ZCCHC14: variants seen among roughly 807,000 people sequenced by gnomAD.
ZCCHC14 encodes zinc finger CCHC-type containing 14, also known as zinc finger CCHC domain-containing protein 14.
Under a neutral mutation model 85.0 loss-of-function variants are expected in ZCCHC14, and 16 were observed. That is an observed-to-expected ratio of 0.19 (90% CI 0.13 to 0.29). The LOEUF (loss-of-function observed/expected upper bound fraction) is 0.29, where lower values mean the gene tolerates loss of function less well. Ranked by LOEUF, ZCCHC14 falls within the 10% of genes least tolerant of loss-of-function variation. The pLI is 1.00. For missense variants in ZCCHC14, 1,303 were observed against 1,443.5 expected (o/e 0.90, Z 1.58); for synonymous variants, 775 against 630.7 (o/e 1.23, Z -3.43).
At chr16:87,449,375 G>A (rs934060619) in intron 2 of ZCCHC14, among the ~76,000 whole-genome samples, 3 of 152,124 alleles carry the variant, frequency 2.0e-5, no homozygotes, top group Admixed American at 6.5e-5. Flanking sequence ...GAGAGGGTGA[G>A]GGGCACAGCA....
chr16:87,478,077 AG>A (rs1912103709), intron 1 of ZCCHC14, among the ~76,000 whole-genome samples: 1 of 152,272 alleles, frequency 6.6e-6, no homozygotes, highest in African/African-American at 2.4e-5. Context: ...CAATTGTAAA[AG>A]GAAAAATAAC....
intron 1 of ZCCHC14, among the ~76,000 whole-genome samples, chr16:87,468,778 G>C (rs1159930561): frequency 6.6e-6 from 1 of 152,168 alleles, no homozygotes; most frequent in Non-Finnish European, 1.5e-5. Flanking sequence ...GGAGACCAGC[G>C]ATGCTGTTAA....
In ZCCHC14 at chr16:87,411,483, A is replaced by G. The variant is rs368899388; in HGVS notation, c.3205+33T>C. 450 of 1,609,742 alleles carry G rather than the reference A, an allele frequency of 2.8e-4. 2 individuals are homozygous for G. Among genetic ancestry groups the G allele is most frequent in the Middle Eastern group, 2.0e-3 (12 of 6,062 alleles). ...CATTTGTGTGCACTGGTCCTGCGGG[A>G]GCCTGGTGGGCGCGGCCATGGCGCG... is the stretch of plus-strand genomic sequence containing the variant. On this transcript the variant is annotated intron_variant, in intron 12 of 12. Transcript: ENST00000671377.
chr16:87,425,432 C>T (rs1023175342), intron 3 of ZCCHC14, among the ~76,000 whole-genome samples: 19 of 152,048 alleles, frequency 1.2e-4, no homozygotes, highest in African/African-American at 4.3e-4. Flanking sequence ...CAAAATTGGC[C>T]GGGCATGGTG....
Position 87,417,742 on chromosome 16 carries a change from C to G in ZCCHC14, c.1101G>C (p.Arg367Ser). 2 of 1,585,416 alleles carry G rather than the reference C, an allele frequency of 1.3e-6. No homozygotes were observed. The highest frequency in any genetic ancestry group is 1.7e-6 in the Non-Finnish European group (2 of 1,167,540). Residue 367 changes from arginine to serine, a missense_variant and splice_region_variant, in exon 8 of 13, where the codon AGG becomes AGC. Arg to Ser is a moderately radical substitution (Grantham distance 110, BLOSUM62 -1). Coordinates refer to ENST00000671377, the MANE Select transcript of ZCCHC14 (RefSeq NM_015144.3). ...KVGTVMGVSGRPVCGVAGIPS... is the reference protein window; with the variant it reads ...KVGTVMGVSGSPVCGVAGIPS... ...GGATACCAGCCACTCCACACACAGGCCTGTGGGACAGGGGCAGGAGGGACA... is the reference window on the plus strand; with the variant it reads ...GGATACCAGCCACTCCACACACAGGGCTGTGGGACAGGGGCAGGAGGGACA...
At chr16:87,455,139 T>A (rs1335366342) in intron 2 of ZCCHC14, among the ~76,000 whole-genome samples, 2 of 152,122 alleles carry the variant, frequency 1.3e-5, no homozygotes, top group African/African-American at 4.8e-5. Flanking sequence ...AAATACAAAA[T>A]TAGGCAGGCG....
intron 1 of ZCCHC14, among the ~76,000 whole-genome samples, chr16:87,460,358 G>A (rs1408373838): frequency 3.3e-5 from 5 of 152,082 alleles, no homozygotes; most frequent in East Asian, 1.9e-4. Context: ...GGGCGCTTAC[G>A]TCTTGTGGCT....
At position 87,407,618 on chromosome 16, in the gene ZCCHC14, T is replaced by C. The variant is rs1428126960; in HGVS notation, c.*2662A>G. 1 of 152,220 alleles carries C rather than the reference T, an allele frequency of 6.6e-6. No homozygotes were observed. Among genetic ancestry groups the C allele is most frequent in the Non-Finnish European group, 1.5e-5 (1 of 68,030 alleles). 9.4% of individuals were successfully genotyped at this position (152,220 alleles called of 1,614,324 possible). A position where few individuals can be genotyped will look rare whatever the true frequency, so the allele number is the denominator to read the frequency against. On this transcript the variant is annotated 3_prime_UTR_variant, in exon 13 of 13. Coordinates refer to ENST00000671377, the MANE Select transcript of ZCCHC14 (RefSeq NM_015144.3). ...AGATTAAAAAAACAGGGTTAGAAAC[T>C]TTAATATCTGACAGACTACAAAGGG...
chr16:87,440,656 A>C (rs1910138830), intron 2 of ZCCHC14, among the ~76,000 whole-genome samples: 1 of 150,176 alleles, frequency 6.7e-6, no homozygotes, highest in Non-Finnish European at 1.5e-5. Flanking sequence ...GCCCAGGCTG[A>C]AGTGCAGTGG....
intron 1 of ZCCHC14, chr16:87,471,311 A>C (rs1409018816): frequency 6.6e-6 from 1 of 152,260 alleles, no homozygotes; most frequent in Non-Finnish European, 1.5e-5. Context: ...GAAGACAGAC[A>C]GTTTAAGAGT....
intron 3 of ZCCHC14, among the ~76,000 whole-genome samples, chr16:87,427,898 C>A (rs1267513640): frequency 6.6e-6 from 1 of 150,982 alleles, no homozygotes; most frequent in East Asian, 1.9e-4. Flanking sequence ...TCCCACAGTG[C>A]TGGGATTTAC....
At chr16:87,421,410 T>C (rs1194563224) in intron 4 of ZCCHC14, among the ~76,000 whole-genome samples, 1 of 152,136 alleles carries the variant, frequency 6.6e-6, no homozygotes, top group Admixed American at 6.5e-5. Context: ...CCGCTGCTCC[T>C]GGAAGAAGGG....
intron 1 of ZCCHC14, among the ~76,000 whole-genome samples, chr16:87,490,657 A>T (rs1343281881): frequency 6.6e-6 from 1 of 152,158 alleles, no homozygotes; most frequent in Non-Finnish European, 1.5e-5. Context: ...CCTCCCACTC[A>T]AAGTCAGCCT....
At chr16:87,477,543 A>C (rs1912076833) in intron 1 of ZCCHC14, among the ~76,000 whole-genome samples, 3 of 152,210 alleles carry the variant, frequency 2.0e-5, no homozygotes, top group African/African-American at 7.2e-5. Flanking sequence ...TAAATGATGA[A>C]GTCAACACAC....
Position 87,423,801 on chromosome 16 carries a change from T to C in ZCCHC14, c.840+9A>G, listed in dbSNP as rs1372106761. 6.2e-6 allele frequency: 10 copies of C among 1,613,428 alleles called. No homozygotes were observed. The highest frequency in any genetic ancestry group is 1.7e-5 in the Admixed American group (1 of 59,898). On this transcript the variant is annotated intron_variant, in intron 4 of 12. Transcript: ENST00000671377. ...TTTTAATTTTTATAAGAGCCCTTGA[T>C]TACCTTACCTTTGAAATAAATTCCG... is the stretch of plus-strand genomic sequence containing the variant.
At chr16:87,431,240 G>A (rs1045610228) in intron 3 of ZCCHC14, among the ~76,000 whole-genome samples, 6 of 152,062 alleles carry the variant, frequency 3.9e-5, no homozygotes, top group African/African-American at 1.4e-4. Context: ...TTGGGAGGCC[G>A]AGGCGGGTGG....
chr16:87,483,369 T>C (rs1471579491), intron 1 of ZCCHC14, among the ~76,000 whole-genome samples: 2 of 138,256 alleles, frequency 1.4e-5, no homozygotes, highest in African/African-American at 5.5e-5. Context: ...CACGTGCCTG[T>C]AATCCCAGCT....
At chr16:87,416,401 G>A (rs57704074) in intron 8 of ZCCHC14, among the ~76,000 whole-genome samples, 17,097 of 152,102 alleles carry the variant, frequency 0.11, 2,397 homozygotes, top group African/African-American at 0.33. Flanking sequence ...CAATGCAAAC[G>A]TAAGAATAAA....
At position 87,486,552 on chromosome 16, in the gene ZCCHC14, G is replaced by A. The variant is rs543042287; in HGVS notation, c.570+5117C>T. On this transcript the variant is annotated intron_variant, in intron 1 of 12. Coordinates refer to ENST00000671377, the MANE Select transcript of ZCCHC14 (RefSeq NM_015144.3). The stretch of plus-strand genomic sequence containing the variant: ...CAGCTGAGGACGCTTTTCTCAGAAC[G>A]TATCTGTGTCCTTAAGCAGCACATG... Among the ~76,000 whole-genome samples the A allele has an allele frequency of 2.0e-5, 3 of 152,298 alleles. No homozygotes were observed. In the South Asian group the frequency reaches 6.2e-4, roughly 32 times the overall value.
Sources: gnomAD v4.1 joint callset for allele counts (sites outside exome capture counted in the v4.1 genomes callset) on GRCh38, gnomAD v4.1.1 for gene constraint, MANE v1.5 for transcripts, NCBI Gene and HGNC (gene_info 2026-07-23, HGNC 2026-07-21) for gene names.